CACNA1C: variants seen among roughly 807,000 people sequenced by gnomAD.
The protein encoded by CACNA1C is calcium voltage-gated channel subunit alpha1 C.
In CACNA1C, 30 loss-of-function variants were observed where a neutral mutation model predicts 229.0. That is an observed-to-expected ratio of 0.13 (90% confidence interval 0.10 to 0.18). The LOEUF (loss-of-function observed/expected upper bound fraction) is 0.18. CACNA1C is among the 10% of genes least tolerant of loss of function. The pLI, the probability that CACNA1C is intolerant of heterozygous loss-of-function variation, is 1.00. For missense variants in CACNA1C, 1,658 were observed against 2,845.0 expected, an observed-to-expected ratio of 0.58 and a Z score of 9.49; for synonymous variants, 1,114 against 1,132.5, an observed-to-expected ratio of 0.98 and a Z score of 0.33.
At chr12:2,272,307 T>A (rs2085414347) in intron 3 of CACNA1C, among the ~76,000 whole-genome samples, 1 of 152,118 alleles carries the variant, frequency 6.6e-6, no homozygotes, top group African/African-American at 2.4e-5. Flanking sequence ...CACCTTTCCC[T>A]CCAAAGCCTA....
At chr12:2,587,974 G>A (rs1024736674) in intron 18 of CACNA1C, among the ~76,000 whole-genome samples, 15 of 152,160 alleles carry the variant, frequency 9.9e-5, no homozygotes, top group African/African-American at 3.4e-4. Context: ...CCAAAGGGCA[G>A]CATGCTCTTA....
intron 3 of CACNA1C, among the ~76,000 whole-genome samples, chr12:2,369,707 A>ATACC (rs958220185): frequency 7.9e-5 from 12 of 152,160 alleles, no homozygotes; most frequent in Non-Finnish European, 8.8e-5. Flanking sequence ...CCCAGCCTAC[A>ATACC]TACCTATCTT....
chr12:2,620,038 A>C (rs996569307), intron 29 of CACNA1C, among the ~76,000 whole-genome samples: 3 of 152,214 alleles, frequency 2.0e-5, no homozygotes, highest in Non-Finnish European at 4.4e-5. Flanking sequence ...AACATTTAGA[A>C]GCACTGGAGG....
upstream of CACNA1C, chr12:2,049,328 T>C (rs950294215): frequency 2.0e-5 from 3 of 152,218 alleles, no homozygotes; most frequent in Non-Finnish European, 4.4e-5. Flanking sequence ...CACAGGGTTG[T>C]TTGGAGGAGC....
intron 3 of CACNA1C, among the ~76,000 whole-genome samples, chr12:2,124,108 TCGTG>T (rs1565841443): frequency 2.4e-5 from 2 of 84,252 alleles, no homozygotes; most frequent in African/African-American, 9.2e-5. Context: ...CTGGTCTAGC[TCGTG>T]TGTGTGTGTG....
At chr12:2,523,735 T>G (rs889459182) in intron 9 of CACNA1C, among the ~76,000 whole-genome samples, 4 of 152,214 alleles carry the variant, frequency 2.6e-5, no homozygotes, top group Non-Finnish European at 5.9e-5. Flanking sequence ...TTTGGTGCTT[T>G]GCAAATCGAT....
At chr12:2,052,827 C>G (rs1328104452), upstream of CACNA1C, among the ~76,000 whole-genome samples, 7 of 141,964 alleles carry the variant, frequency 4.9e-5, no homozygotes, top group Admixed American at 4.2e-4. Flanking sequence ...CCGCGCCGTG[C>G]GCCCGGCTCC....
chr12:2,447,131 C>T (rs12313442), intron 3 of CACNA1C, among the ~76,000 whole-genome samples: 36,576 of 152,032 alleles, frequency 0.24, 4,502 homozygotes, highest in South Asian at 0.26. Flanking sequence ...ACTATTCCCA[C>T]TCCCACAAAC....
chr12:2,427,129 T>G (rs4765678), intron 3 of CACNA1C, among the ~76,000 whole-genome samples: 66 of 152,104 alleles, frequency 4.3e-4, no homozygotes, highest in South Asian at 3.9e-3. Context: ...AAGGATGTAA[T>G]GAGCTAGAGA....
chr12:1,989,471 T>C (rs1043384557), intron 1 of CACNA1C, among the ~76,000 whole-genome samples: 1 of 152,194 alleles, frequency 6.6e-6, no homozygotes, highest in African/African-American at 2.4e-5. Flanking sequence ...TCCCAGCCCT[T>C]TGGGAGGCCA....
rs147048939 is a variant in CACNA1C, at chr12:2,464,760, C to A, written c.757+7054C>A. ...TCGCTATTAAACGGAAGTTTACTTT[C>A]ATCCTGAGAGGTGAGAAGGAGCACT... On this transcript the variant is annotated intron_variant, in intron 5 of 46. Transcript: ENST00000399655. 7.1e-3 allele frequency among the ~76,000 whole-genome samples: 1,082 copies of A among 152,354 alleles called. 8 individuals are homozygous for A. Among genetic ancestry groups the A allele is most frequent in the African/African-American group, 0.024 (983 of 41,564 alleles).
chr12:2,587,976 A>G (rs756015357), intron 18 of CACNA1C, among the ~76,000 whole-genome samples: 1 of 152,192 alleles, frequency 6.6e-6, no homozygotes, highest in Non-Finnish European at 1.5e-5. Flanking sequence ...AAAGGGCAGC[A>G]TGCTCTTAAA....
chr12:1,991,781 G>A (rs1484462276), intron 1 of CACNA1C: 1 of 155,518 alleles, frequency 6.4e-6, no homozygotes, highest in Non-Finnish European at 1.4e-5. Context: ...GCATTAAAGA[G>A]AGTTTGTGTT....
intron 1 of CACNA1C, among the ~76,000 whole-genome samples, chr12:1,999,955 A>T (rs2041812590): frequency 6.6e-6 from 1 of 152,168 alleles, no homozygotes; most frequent in South Asian, 2.1e-4. Flanking sequence ...ATACAGAAAC[A>T]TTACTTATCT....
intron 29 of CACNA1C, among the ~76,000 whole-genome samples, chr12:2,620,024 A>G (rs1602354275): frequency 1.3e-5 from 2 of 152,350 alleles, no homozygotes; most frequent in South Asian, 4.1e-4. Context: ...ACCTGAGATC[A>G]AGTAACATTT....
At chr12:2,405,684 T>A (rs2098730145) in intron 3 of CACNA1C, among the ~76,000 whole-genome samples, 1 of 152,236 alleles carries the variant, frequency 6.6e-6, no homozygotes, top group Non-Finnish European at 1.5e-5. Context: ...ATGAAGTGTG[T>A]CTGTCTCACT....
chr12:2,237,206 T>G (rs923001420), intron 3 of CACNA1C, among the ~76,000 whole-genome samples: 1 of 152,246 alleles, frequency 6.6e-6, no homozygotes, highest in South Asian at 2.1e-4. Context: ...TATGATTTTC[T>G]GGGTCAATTT....
intron 3 of CACNA1C, among the ~76,000 whole-genome samples, chr12:2,379,126 C>T (rs2098162054): frequency 6.6e-6 from 1 of 152,224 alleles, no homozygotes; most frequent in Non-Finnish European, 1.5e-5. Context: ...TCAAGGGCCT[C>T]TCTTGGCAAT....
At chr12:2,507,627 A>G (rs2099774634) in intron 8 of CACNA1C, among the ~76,000 whole-genome samples, 2 of 152,244 alleles carry the variant, frequency 1.3e-5, no homozygotes, top group Non-Finnish European at 1.5e-5. Context: ...AACAGTCACT[A>G]GCATTCTCTG....
Sources: gnomAD v4.1 joint callset for allele counts (sites outside exome capture counted in the v4.1 genomes callset) on GRCh38, gnomAD v4.1.1 for gene constraint, MANE v1.5 for transcripts, NCBI Gene and HGNC (gene_info 2026-07-23, HGNC 2026-07-21) for gene names.